Variants in MSRA observed in about 807,000 individuals in gnomAD.
MSRA encodes the protein mitochondrial peptide methionine sulfoxide reductase.
In MSRA, 54 loss-of-function variants were observed where a neutral mutation model predicts 31.3. The ratio of observed to expected loss-of-function variants is 1.73; its 90% CI spans 1.39 to 2.17. The LOEUF (loss-of-function observed/expected upper bound fraction) is 2.17. MSRA is among the 30% of genes most tolerant of loss of function. The probability of loss-of-function intolerance (pLI) is 0.00; values close to 1 mark genes in which losing one functional copy is unlikely to be tolerated. For missense variants in MSRA, 507 were observed against 300.9 expected, an observed-to-expected ratio of 1.69 and a Z score of -5.07; for synonymous variants, 169 against 116.5, an observed-to-expected ratio of 1.45 and a Z score of -2.90.
At chr8:10,274,799 C>G (rs911415934) in intron 3 of MSRA, among the ~76,000 whole-genome samples, 3 of 151,974 alleles carry the variant, frequency 2.0e-5, no homozygotes, top group African/African-American at 7.3e-5. Flanking sequence ...ACTCATCTAA[C>G]CATTCATCCA....
At chr8:10,226,788 T>C (rs1811040076) in intron 2 of MSRA, among the ~76,000 whole-genome samples, 1 of 152,202 alleles carries the variant, frequency 6.6e-6, no homozygotes, top group Non-Finnish European at 1.5e-5. Flanking sequence ...GGTGTGCATA[T>C]TTGTCAGGTC....
At chr8:10,205,264 A>C (rs1808855151) in intron 1 of MSRA, among the ~76,000 whole-genome samples, 1 of 152,076 alleles carries the variant, frequency 6.6e-6, no homozygotes, top group Non-Finnish European at 1.5e-5. Context: ...AAAAGGGGTC[A>C]TGACATTTGG....
chr8:10,371,107 G>A (rs986179219), intron 5 of MSRA, among the ~76,000 whole-genome samples: 1 of 152,178 alleles, frequency 6.6e-6, no homozygotes, highest in African/African-American at 2.4e-5. Context: ...CGATGAAGGT[G>A]CAGAGCTCTC....
chr8:10,131,384 A>T (rs1314931473), intron 1 of MSRA, among the ~76,000 whole-genome samples: 1 of 152,248 alleles, frequency 6.6e-6, no homozygotes, highest in Admixed American at 6.5e-5. Context: ...ATTTTCAAGG[A>T]TATGTAGGAT....
intron 2 of MSRA, among the ~76,000 whole-genome samples, chr8:10,210,040 C>G (rs770932261): frequency 2.0e-5 from 3 of 152,108 alleles, no homozygotes; most frequent in Non-Finnish European, 4.4e-5. Flanking sequence ...CTTTCTATCA[C>G]TTGTCGCCCT....
chr8:10,367,021 G>T (rs1805205667), intron 5 of MSRA, among the ~76,000 whole-genome samples: 1 of 152,158 alleles, frequency 6.6e-6, no homozygotes, highest in African/African-American at 2.4e-5. Context: ...GGTAACTGCA[G>T]CCCAAAAATA....
At chr8:10,215,953 C>A (rs1341754714) in intron 2 of MSRA, among the ~76,000 whole-genome samples, 2 of 152,108 alleles carry the variant, frequency 1.3e-5, no homozygotes. Context: ...GAGAAACAAT[C>A]AAATATTTTC....
At chr8:10,185,540 C>A (rs191191977) in intron 1 of MSRA, among the ~76,000 whole-genome samples, 1 of 152,118 alleles carries the variant, frequency 6.6e-6, no homozygotes, top group African/African-American at 2.4e-5. Flanking sequence ...TTCTGGTGGG[C>A]CGAGGAATGC....
intron 3 of MSRA, among the ~76,000 whole-genome samples, chr8:10,256,999 T>C (rs1563276910): frequency 6.6e-6 from 1 of 152,198 alleles, no homozygotes. Context: ...CAGTGAAAAA[T>C]GTTAAAATAT....
At chr8:10,384,168 C>T (rs1054336424) in intron 5 of MSRA, among the ~76,000 whole-genome samples, 2 of 152,190 alleles carry the variant, frequency 1.3e-5, no homozygotes, top group African/African-American at 4.8e-5. Context: ...GGCTTTGCCA[C>T]CTGGACAACT....
At chr8:10,163,780 C>G (rs1480437654) in intron 1 of MSRA, among the ~76,000 whole-genome samples, 1 of 152,208 alleles carries the variant, frequency 6.6e-6, no homozygotes, top group East Asian at 1.9e-4. Flanking sequence ...TAAGACCCTC[C>G]AAGGGGGCCA....
chr8:10,350,390 G>C (rs769206085), intron 5 of MSRA, among the ~76,000 whole-genome samples: 1 of 152,202 alleles, frequency 6.6e-6, no homozygotes. Flanking sequence ...AGCGCCGGCC[G>C]GATGCTTCTG....
chr8:10,309,220 T>G (rs1227598851), intron 4 of MSRA, among the ~76,000 whole-genome samples: 2 of 152,262 alleles, frequency 1.3e-5, no homozygotes, highest in African/African-American at 2.4e-5. Flanking sequence ...AAGGTGGGCT[T>G]TGTATTAAAT....
intron 1 of MSRA, among the ~76,000 whole-genome samples, chr8:10,118,524 T>C (rs1243846608): frequency 3.3e-5 from 5 of 152,072 alleles, no homozygotes; most frequent in East Asian, 1.9e-4. Flanking sequence ...TCCCCCACCA[T>C]AGAGTCCAAA....
intron 5 of MSRA, among the ~76,000 whole-genome samples, chr8:10,425,389 C>A (rs1585754804): frequency 6.6e-6 from 1 of 152,248 alleles, no homozygotes; most frequent in South Asian, 2.1e-4. Context: ...ACCGGCAAAC[C>A]TCCCTTCCGG....
At chr8:10,358,025 C>T (rs1233576177) in intron 5 of MSRA, among the ~76,000 whole-genome samples, 2 of 152,188 alleles carry the variant, frequency 1.3e-5, no homozygotes, top group Non-Finnish European at 2.9e-5. Flanking sequence ...TGGGTCCAAG[C>T]AATTCTCTTG....
intron 1 of MSRA, among the ~76,000 whole-genome samples, chr8:10,056,807 A>C (rs1436451751): frequency 6.6e-6 from 1 of 150,728 alleles, no homozygotes; most frequent in Admixed American, 6.6e-5. Context: ...CTGTTTAACA[A>C]CTCCTCCCTT....
At chr8:10,246,506 A>G (rs570232088) in intron 3 of MSRA, among the ~76,000 whole-genome samples, 5 of 152,338 alleles carry the variant, frequency 3.3e-5, no homozygotes, top group Non-Finnish European at 7.3e-5. Context: ...AATGGGGTGT[A>G]AAATGTAAAC....
chr8:10,260,225 G>C (rs954001443), intron 3 of MSRA, among the ~76,000 whole-genome samples: 1 of 152,164 alleles, frequency 6.6e-6, no homozygotes, highest in Non-Finnish European at 1.5e-5. Flanking sequence ...AGTTGCAGCA[G>C]AATAAAAAAA....
Sources: allele counts gnomAD v4.1 joint callset (sites outside exome capture counted in the v4.1 genomes callset), GRCh38; gene constraint gnomAD v4.1.1; transcripts MANE v1.5; gene names NCBI Gene and HGNC (gene_info 2026-07-23, HGNC 2026-07-21).